PDZD2: variants seen among roughly 807,000 people sequenced by gnomAD.
PDZD2 encodes PDZ domain containing 2.
Under a neutral mutation model 220.7 loss-of-function variants are expected in PDZD2, and 90 were observed. That is an observed-to-expected ratio of 0.41 (90% CI 0.34 to 0.49). PDZD2 has a LOEUF of 0.49. PDZD2 is among the 20% of genes least tolerant of loss of function. The probability of loss-of-function intolerance (pLI) is 0.28; values close to 1 mark genes in which losing one functional copy is unlikely to be tolerated. For missense variants in PDZD2, 3,174 were observed against 3,608.5 expected, an observed-to-expected ratio of 0.88 and a Z score of 3.08; for synonymous variants, 1,375 against 1,450.5, an observed-to-expected ratio of 0.95 and a Z score of 1.18.
intron 4 of PDZD2, among the ~76,000 whole-genome samples, chr5:31,998,575 C>CG (rs1751834931): frequency 6.6e-6 from 1 of 152,214 alleles, no homozygotes; most frequent in Non-Finnish European, 1.5e-5. Flanking sequence ...CTGGGCGTGT[C>CG]GGAGGCGTGC....
At position 31,799,179 on chromosome 5, in the gene PDZD2, G is replaced by C; in HGVS notation, c.-70G>C. The C allele has an allele frequency of 9.9e-7, 1 of 1,014,512 alleles. No individual in the cohort carries two copies. The allele number at this position is 1,014,512 out of a possible 1,614,324, so 62.8% of individuals were successfully genotyped here. On this transcript the variant is annotated 5_prime_UTR_variant, in exon 2 of 25. Transcript: ENST00000438447. ...ATGATGGCCAGGGACCCCAGGGGAC[G>C]TGGGGCCCTGTGGGGTCTGGCCCCC...
intron 2 of PDZD2, among the ~76,000 whole-genome samples, chr5:31,883,721 C>T (rs1221441759): frequency 6.6e-6 from 1 of 151,706 alleles, no homozygotes; most frequent in African/African-American, 2.4e-5. Flanking sequence ...CATGCCTCAG[C>T]CTTTTGAGTA....
intron 2 of PDZD2, among the ~76,000 whole-genome samples, chr5:31,978,535 T>C (rs918581128): frequency 1.3e-4 from 19 of 151,946 alleles, no homozygotes; most frequent in Non-Finnish European, 4.4e-5. Context: ...CTGGCTAACA[T>C]GGTGAAACCC....
At chr5:31,976,677 G>GT (rs140085634) in intron 2 of PDZD2, among the ~76,000 whole-genome samples, 32,604 of 141,840 alleles carry the variant, frequency 0.23, 3,773 homozygotes, top group Middle Eastern at 0.32. Flanking sequence ...AAGTTACTTT[G>GT]TTTTTTTGTT....
chr5:32,061,849 C>T (rs1739718131), intron 14 of PDZD2, among the ~76,000 whole-genome samples: 1 of 152,140 alleles, frequency 6.6e-6, no homozygotes, highest in Non-Finnish European at 1.5e-5. Context: ...TAGAATTTAA[C>T]TTAAACTTGG....
chr5:31,908,261 A>G, intron 2 of PDZD2: 1 of 201,792 alleles, frequency 5.0e-6, no homozygotes, highest in Non-Finnish European at 9.9e-6. Flanking sequence ...AAATTTAAGC[A>G]AGGCCCCGCC....
At chr5:31,746,746 C>T (rs1441720107) in intron 1 of PDZD2, among the ~76,000 whole-genome samples, 1 of 152,164 alleles carries the variant, frequency 6.6e-6, no homozygotes, top group Non-Finnish European at 1.5e-5. Flanking sequence ...GCACTCTTTC[C>T]AGGGAACCCT....
chr5:32,094,724 A>T (rs961962643), intron 21 of PDZD2, among the ~76,000 whole-genome samples: 4 of 151,964 alleles, frequency 2.6e-5, no homozygotes, highest in East Asian at 1.9e-4. Context: ...GATTAAATTT[A>T]AAAAATTAGC....
chr5:31,958,505 C>T (rs1413036784), intron 2 of PDZD2, among the ~76,000 whole-genome samples: 1 of 152,054 alleles, frequency 6.6e-6, no homozygotes, highest in Non-Finnish European at 1.5e-5. Flanking sequence ...CCACCTGCCT[C>T]AGCCTCCCCA....
Position 31,799,579 on chromosome 5 carries a change from G to C in PDZD2, c.331G>C (p.Gly111Arg), listed in dbSNP as rs188677145. 1.2e-6 allele frequency: 2 copies of C among 1,614,184 alleles called. No individual in the cohort carries two copies. Among genetic ancestry groups the C allele is most frequent in the East Asian group, 2.2e-5 (1 of 44,886 alleles). ...GGGCAAGAAGAGGAAAACCCACCAG[G>C]GTCCTGTGCTGGATGTGGGCTGCAT... ...RGGKKRKTHQ[G>R]PVLDVGCIWV... Residue 111 changes from glycine (G) to arginine (R), a missense_variant, in exon 2 of 25, where the codon GGT becomes CGT. By Grantham distance (125) the Gly-to-Arg change is moderately radical (BLOSUM62 -2). This residue lies in a region of PDZD2 where 632 missense variants were observed against 708.1 expected (regional missense o/e 0.89). Coordinates refer to ENST00000438447, the MANE Select transcript of PDZD2 (RefSeq NM_178140.4).
At chr5:31,911,403 C>T (rs189138945) in intron 2 of PDZD2, among the ~76,000 whole-genome samples, 19 of 152,340 alleles carry the variant, frequency 1.2e-4, no homozygotes, top group Middle Eastern at 3.4e-3. Flanking sequence ...GTGGAGCCAT[C>T]GCTAAAGCTT....
chr5:32,092,561 GA>G (rs2111580370), intron 20 of PDZD2, among the ~76,000 whole-genome samples: 1 of 152,346 alleles, frequency 6.6e-6, no homozygotes, highest in Admixed American at 6.5e-5. Flanking sequence ...GACAGAGCTA[GA>G]CTCCATCTCA....
chr5:31,668,349 C>A (rs1419737204), intron 1 of PDZD2, among the ~76,000 whole-genome samples: 1 of 152,150 alleles, frequency 6.6e-6, no homozygotes, highest in Non-Finnish European at 1.5e-5. Context: ...TTCCTTAGAA[C>A]CACGGGGCTG....
chr5:31,648,687 T>A (rs549308705), intron 1 of PDZD2, among the ~76,000 whole-genome samples: 1 of 151,194 alleles, frequency 6.6e-6, no homozygotes, highest in African/African-American at 2.4e-5. Flanking sequence ...TTTTTTTTTT[T>A]AATATAGCAA....
At chr5:31,868,812 C>T (rs1463872110) in intron 2 of PDZD2, among the ~76,000 whole-genome samples, 1 of 152,166 alleles carries the variant, frequency 6.6e-6, no homozygotes, top group Non-Finnish European at 1.5e-5. Context: ...TGCTCTTTCA[C>T]CCAGGCTGGA....
chr5:32,018,793 G>T (rs1322745666), intron 6 of PDZD2, among the ~76,000 whole-genome samples: 1 of 152,224 alleles, frequency 6.6e-6, no homozygotes, highest in East Asian at 1.9e-4. Context: ...CGTATAAAAG[G>T]TTGCTTGAAA....
intron 2 of PDZD2, among the ~76,000 whole-genome samples, chr5:31,900,415 C>A (rs7736535): frequency 0.18 from 27,311 of 152,186 alleles, 2,608 homozygotes; most frequent in African/African-American, 0.23. Flanking sequence ...TGAAAGTCAG[C>A]CAGCCTTCCT....
At chr5:31,816,801 G>A (rs1287449461) in intron 2 of PDZD2, among the ~76,000 whole-genome samples, 1 of 152,186 alleles carries the variant, frequency 6.6e-6, no homozygotes, top group Non-Finnish European at 1.5e-5. Context: ...TATTATGATT[G>A]ATTAAATCAT....
chr5:31,679,665 G>A (rs1015527925), intron 1 of PDZD2, among the ~76,000 whole-genome samples: 15 of 152,030 alleles, frequency 9.9e-5, no homozygotes, highest in Non-Finnish European at 1.6e-4. Flanking sequence ...GCACCACCAC[G>A]CCCGGCTAAG....
Sources: allele counts gnomAD v4.1 joint callset (sites outside exome capture counted in the v4.1 genomes callset), GRCh38; gene constraint gnomAD v4.1.1; regional missense constraint gnomAD v4.1.1; transcripts MANE v1.5; gene names NCBI Gene and HGNC (gene_info 2026-07-23, HGNC 2026-07-21).